Variants in CLNK observed in about 807,000 individuals in gnomAD.
CLNK encodes cytokine-dependent hematopoietic cell linker.
Under a neutral mutation model 68.6 loss-of-function variants are expected in CLNK, and 74 were observed. That is an observed-to-expected ratio of 1.08 (90% confidence interval 0.89 to 1.31). The LOEUF is 1.31. CLNK is among the 50% of genes most tolerant of loss of function. CLNK has a pLI of 0.00. For missense variants in CLNK, 553 were observed against 515.3 expected (o/e 1.07, Z -0.71); for synonymous variants, 198 against 172.2 (o/e 1.15, Z -1.17).
chr4:10,692,680 T>G, the CLNK span, among the ~76,000 whole-genome samples: 7 of 152,182 alleles, frequency 4.6e-5, no homozygotes, highest in African/African-American at 1.7e-4. Flanking sequence ...GGGTTTTGTC[T>G]CACTTGAAAT....
intron 2 of CLNK, among the ~76,000 whole-genome samples, chr4:10,621,229 C>A (rs182822028): frequency 1.3e-5 from 2 of 152,136 alleles, no homozygotes; most frequent in Admixed American, 1.3e-4. Flanking sequence ...GTCCTTGAAA[C>A]GCGATAGAAG....
intron 2 of CLNK, among the ~76,000 whole-genome samples, chr4:10,648,154 G>C (rs7696539): frequency 6.6e-6 from 1 of 152,002 alleles, no homozygotes; most frequent in Non-Finnish European, 1.5e-5. Flanking sequence ...CAATGTACAA[G>C]TTACCACGTA....
intron 1 of CLNK, among the ~76,000 whole-genome samples, chr4:10,681,745 A>C (rs1302376262): frequency 1.3e-5 from 2 of 152,338 alleles, no homozygotes; most frequent in Admixed American, 1.3e-4. Flanking sequence ...ACCTGGGAAC[A>C]TCAGCAGGGT....
chr4:10,576,969 A>C (rs1374232181), intron 4 of CLNK, among the ~76,000 whole-genome samples: 1 of 152,190 alleles, frequency 6.6e-6, no homozygotes, highest in African/African-American at 2.4e-5. Flanking sequence ...CTTTGCAGGG[A>C]CAGGGTAGCT....
chr4:10,732,922 T>C, the CLNK span, among the ~76,000 whole-genome samples: 44 of 152,280 alleles, frequency 2.9e-4, no homozygotes, highest in African/African-American at 9.4e-4. Context: ...TTTATGCTGC[T>C]CCCTTTTGGC....
the CLNK span, among the ~76,000 whole-genome samples, chr4:10,734,724 T>C: frequency 6.6e-6 from 1 of 152,216 alleles, no homozygotes; most frequent in Non-Finnish European, 1.5e-5. Flanking sequence ...GATCTTGGAC[T>C]CTGGGGATCT....
At chr4:10,728,868 G>T in the CLNK span, among the ~76,000 whole-genome samples, 1 of 151,808 alleles carries the variant, frequency 6.6e-6, no homozygotes, top group Non-Finnish European at 1.5e-5. Flanking sequence ...CAAAGTGCTG[G>T]GATTACAGGT....
intron 4 of CLNK, among the ~76,000 whole-genome samples, chr4:10,579,349 T>C (rs2108833375): frequency 6.6e-6 from 1 of 152,116 alleles, no homozygotes; most frequent in African/African-American, 2.4e-5. Flanking sequence ...TTTGACTATA[T>C]GGCTTATAAT....
chr4:10,572,761 C>T (rs755579103), intron 4 of CLNK, among the ~76,000 whole-genome samples: 11 of 152,138 alleles, frequency 7.2e-5, no homozygotes, highest in African/African-American at 1.2e-4. Context: ...TGGAGGACCA[C>T]GATGTGATAA....
Position 10,542,658 on chromosome 4 carries a change from G to GTA in CLNK, c.446-379_446-378insTA, listed in dbSNP as rs1323292697. On this transcript the variant is annotated intron_variant, in intron 8 of 18. Transcript: ENST00000226951. ...TGTATATGTGTGTGTGTGTGTGTAT[G>GTA]TGTGTGTGTGTGTGTGTGTGTGTGT... is the stretch of plus-strand genomic sequence containing the variant. Among the ~76,000 whole-genome samples, 82 of 127,372 alleles carry GTA rather than the reference G, an allele frequency of 6.4e-4. 1 individual carries two copies. Among genetic ancestry groups the GTA allele is most frequent in the South Asian group, 2.5e-3 (10 of 3,996 alleles). The allele number at this position is 127,372 out of a possible 152,430, so 83.6% of individuals were successfully genotyped here. A position where few individuals can be genotyped will look rare whatever the true frequency, so the allele number is the denominator to read the frequency against.
upstream of CLNK, among the ~76,000 whole-genome samples, chr4:10,686,141 TC>T (rs1267446414): frequency 6.6e-6 from 1 of 152,200 alleles, no homozygotes; most frequent in Non-Finnish European, 1.5e-5. Context: ...CAGGCCTTTA[TC>T]CCCGGCTTGT....
At chr4:10,612,711 A>G (rs1027464640) in intron 2 of CLNK, among the ~76,000 whole-genome samples, 4 of 152,124 alleles carry the variant, frequency 2.6e-5, no homozygotes, top group African/African-American at 9.7e-5. Context: ...GGTGTGGCAG[A>G]TCTATCTTAT....
intron 2 of CLNK, among the ~76,000 whole-genome samples, chr4:10,623,669 T>C (rs989206379): frequency 3.9e-5 from 6 of 152,272 alleles, no homozygotes; most frequent in Non-Finnish European, 8.8e-5. Context: ...TTTTAGATAC[T>C]AAGTGTTAAC....
chr4:10,652,021 A>G (rs1003632000), intron 2 of CLNK, among the ~76,000 whole-genome samples: 26 of 152,166 alleles, frequency 1.7e-4, no homozygotes, highest in Admixed American at 3.9e-4. Flanking sequence ...TAGAAAGCAA[A>G]AAATAAAGTT....
chr4:10,523,843 G>A (rs1479460126), intron 14 of CLNK: 2 of 223,544 alleles, frequency 8.9e-6, no homozygotes, highest in South Asian at 4.9e-5. Context: ...TGGGCAACAT[G>A]GTGAGACCCC....
At chr4:10,625,687 G>A (rs926541344) in intron 2 of CLNK, among the ~76,000 whole-genome samples, 19 of 152,258 alleles carry the variant, frequency 1.2e-4, no homozygotes, top group African/African-American at 4.6e-4. Flanking sequence ...CAGAGTGACA[G>A]AGACAGACAG....
intron 11 of CLNK, among the ~76,000 whole-genome samples, chr4:10,532,499 G>A (rs558320554): frequency 2.6e-5 from 4 of 152,300 alleles, no homozygotes; most frequent in South Asian, 2.1e-4. Context: ...CAAAATAAAA[G>A]GTGGTGATAG....
At chr4:10,708,575 C>T in the CLNK span, among the ~76,000 whole-genome samples, 1 of 152,142 alleles carries the variant, frequency 6.6e-6, no homozygotes, top group Non-Finnish European at 1.5e-5. Flanking sequence ...GTAGGGCTTA[C>T]AGGGCATCAT....
At chr4:10,559,872 G>A (rs1332144174) in intron 7 of CLNK, among the ~76,000 whole-genome samples, 2 of 152,132 alleles carry the variant, frequency 1.3e-5, no homozygotes, top group South Asian at 2.1e-4. Context: ...TTCAGTTTGG[G>A]TACTACTGAG....
Sources: allele counts gnomAD v4.1 joint callset (sites outside exome capture counted in the v4.1 genomes callset), GRCh38; gene constraint gnomAD v4.1.1; transcripts MANE v1.5; gene names NCBI Gene and HGNC (gene_info 2026-07-23, HGNC 2026-07-21).